B3GLCT: variants seen among roughly 807,000 people sequenced by gnomAD.
The protein encoded by B3GLCT is beta-1,3-glucosyltransferase.
Under a neutral mutation model 63.4 loss-of-function variants are expected in B3GLCT, and 65 were observed. The observed-to-expected ratio is 1.03, with a 90% CI of 0.84 to 1.26. The LOEUF (loss-of-function observed/expected upper bound fraction) is 1.26. Ranked by LOEUF, B3GLCT falls within the 50% of genes most tolerant of loss-of-function variation. B3GLCT has a pLI of 0.00. For missense variants in B3GLCT, 577 were observed against 604.8 expected, an observed-to-expected ratio of 0.95 and a Z score of 0.48; for synonymous variants, 233 against 219.2, an observed-to-expected ratio of 1.06 and a Z score of -0.55.
intron 6 of B3GLCT, 61 bp downstream of exon 6, chr13:31,248,027 T>A (rs1871271982): frequency 2.1e-6 from 2 of 943,892 alleles, no homozygotes; most frequent in African/African-American, 3.3e-5. Context: ...GGAGATTTAA[T>A]TTTGATTAAG....
chr13:31,215,204 G>A, intron 2 of B3GLCT, 104 bp downstream of exon 2: 1 of 1,186,024 alleles, frequency 8.4e-7, no homozygotes, highest in South Asian at 1.3e-5. Flanking sequence ...TATTTTTATT[G>A]TTACATAATT....
At chr13:31,252,960 A>C (rs573173339) in intron 6 of B3GLCT, among the ~76,000 whole-genome samples, 136 of 152,202 alleles carry the variant, frequency 8.9e-4, no homozygotes, top group Non-Finnish European at 1.5e-3. Context: ...ACATAATTGG[A>C]AGTAAAACAC....
At chr13:31,260,365 C>T (rs183742002) in intron 6 of B3GLCT, 1 of 152,524 alleles carries the variant, frequency 6.6e-6, no homozygotes, top group East Asian at 1.9e-4. Flanking sequence ...TAATAGATTT[C>T]CCTCTCTTTT....
At chr13:31,255,109 C>T (rs992181424) in intron 6 of B3GLCT, among the ~76,000 whole-genome samples, 9 of 151,588 alleles carry the variant, frequency 5.9e-5, no homozygotes, top group Non-Finnish European at 1.2e-4. Context: ...TCAGCAAAGT[C>T]TCGGGATACA....
rs73174632 is a variant in B3GLCT at position 31,309,654 on chromosome 13, T to C, written c.1065-7912T>C. Reference sequence around the variant, plus strand: ...ATGAAGAGATGTGTAGGGCAAGGTATGGGGGAAGGAGTGTGGAGCTTCCTT... The same window carrying C: ...ATGAAGAGATGTGTAGGGCAAGGTACGGGGGAAGGAGTGTGGAGCTTCCTT... On this transcript the variant is annotated intron_variant, in intron 12 of 14. Transcript: ENST00000343307. Among the ~76,000 whole-genome samples the C allele has an allele frequency of 5.8e-3, 881 of 152,260 alleles. 7 individuals are homozygous for C. Among genetic ancestry groups the C allele is most frequent in the Non-Finnish European group, 8.0e-3 (543 of 67,998 alleles).
intron 6 of B3GLCT, among the ~76,000 whole-genome samples, chr13:31,254,478 ACT>A (rs1871617791): frequency 6.6e-6 from 1 of 152,024 alleles, no homozygotes; most frequent in Non-Finnish European, 1.5e-5. Context: ...CATGCTAAAA[ACT>A]CTCAATAAAC....
intron 12 of B3GLCT, chr13:31,311,226 A>G (rs1457632741): frequency 6.6e-6 from 1 of 152,240 alleles, no homozygotes; most frequent in Admixed American, 6.5e-5. Flanking sequence ...ACCAATATAT[A>G]TGTATTAGTC....
At chr13:31,246,728 A>C (rs1056372825) in intron 4 of B3GLCT, among the ~76,000 whole-genome samples, 4 of 152,084 alleles carry the variant, frequency 2.6e-5, no homozygotes, top group African/African-American at 9.7e-5. Flanking sequence ...GTTGGCTCGG[A>C]GTCACGGAAG....
intron 12 of B3GLCT, chr13:31,311,293 T>A (rs1378373760): frequency 6.6e-6 from 1 of 152,264 alleles, no homozygotes; most frequent in Non-Finnish European, 1.5e-5. Context: ...ACCAGGACAG[T>A]GGACAGCTCA....
In B3GLCT at chr13:31,276,563, C is replaced by A. The variant is rs1872794433; in HGVS notation, c.781-139C>A. 3 of 682,578 alleles carry A rather than the reference C, an allele frequency of 4.4e-6. No homozygotes were observed. In the Admixed American group the frequency reaches 6.5e-5, roughly 15 times the overall value. 42.3% of individuals were successfully genotyped at this position (682,578 alleles called of 1,614,324 possible). On this transcript the variant is annotated intron_variant, in intron 9 of 14. Coordinates refer to ENST00000343307, the MANE Select transcript of B3GLCT (RefSeq NM_194318.4). ...CAGCTGACCTATGTTTCCATTTCTC[C>A]CCTAAAACTTTATGCCGGAAATATG... is the stretch of plus-strand genomic sequence containing the variant.
rs1362536212 is a variant in B3GLCT, at chr13:31,331,721, C to T, written c.*2053C>T. On this transcript the variant is annotated 3_prime_UTR_variant, in exon 15 of 15. Transcript: ENST00000343307. ...AATGTTTATATAAAGTTTATAAAGC[C>T]ATTGTGTTTTGTTATATAACAAATC... 6.6e-6 allele frequency: 1 copy of T among 152,154 alleles called. No individual in the cohort carries two copies. Among genetic ancestry groups the T allele is most frequent in the Non-Finnish European group, 1.5e-5 (1 of 68,024 alleles). 9.4% of individuals were successfully genotyped at this position (152,154 alleles called of 1,614,324 possible). A position where few individuals can be genotyped will look rare whatever the true frequency, so the allele number is the denominator to read the frequency against.
At chr13:31,242,969 A>T (rs2137798227) in intron 4 of B3GLCT, among the ~76,000 whole-genome samples, 1 of 152,344 alleles carries the variant, frequency 6.6e-6, no homozygotes, top group East Asian at 1.9e-4. Flanking sequence ...AGGCTAGTAA[A>T]TCTGTCTGAT....
chr13:31,209,483 C>G (rs1452679839), intron 1 of B3GLCT, among the ~76,000 whole-genome samples: 2 of 152,102 alleles, frequency 1.3e-5, no homozygotes, highest in East Asian at 3.9e-4. Flanking sequence ...AAAGTGAAGC[C>G]CCAAAGGCTT....
chr13:31,301,547 C>T (rs998878516), intron 12 of B3GLCT, among the ~76,000 whole-genome samples: 3 of 152,158 alleles, frequency 2.0e-5, no homozygotes, highest in Admixed American at 6.5e-5. Flanking sequence ...TCCTAACAAC[C>T]GTTACACTTT....
intron 9 of B3GLCT, among the ~76,000 whole-genome samples, chr13:31,275,354 C>T (rs1428270073): frequency 6.6e-6 from 1 of 152,194 alleles, no homozygotes; most frequent in East Asian, 1.9e-4. Flanking sequence ...CAAGGGCTCC[C>T]CTTTACTCCA....
chr13:31,248,760 G>T (rs1871302118), intron 6 of B3GLCT, among the ~76,000 whole-genome samples: 1 of 152,200 alleles, frequency 6.6e-6, no homozygotes, highest in African/African-American at 2.4e-5. Flanking sequence ...ACTGGATTTT[G>T]TTTGCCTTGA....
Position 31,261,080 on chromosome 13 carries a change from CAAGT to C in B3GLCT, c.596+2_596+5del. ...GGGCCTTAAGTATTCCACTTGTAAA[CAAGT>C]AAGAATTTATTGGAATTTTTTCGGG... On this transcript the variant is annotated splice_donor_variant and coding_sequence_variant, in exon 7 of 15. Coordinates refer to ENST00000343307, the MANE Select transcript of B3GLCT (RefSeq NM_194318.4). LOFTEE classifies it high-confidence loss of function. The C allele has an allele frequency of 1.3e-6, 2 of 1,555,424 alleles. No individual in the cohort carries two copies. Among genetic ancestry groups the C allele is most frequent in the Non-Finnish European group, 1.7e-6 (2 of 1,145,540 alleles).
intron 12 of B3GLCT, among the ~76,000 whole-genome samples, chr13:31,298,586 C>A (rs1442774458): frequency 1.3e-5 from 2 of 152,194 alleles, no homozygotes; most frequent in Non-Finnish European, 2.9e-5. Context: ...CAATTTATAA[C>A]CCATTATTCA....
chr13:31,261,724 G>A (rs1470578203), intron 7 of B3GLCT, among the ~76,000 whole-genome samples: 2 of 152,120 alleles, frequency 1.3e-5, no homozygotes, highest in Non-Finnish European at 2.9e-5. Flanking sequence ...AAGCACTTGT[G>A]GCTTTTATAT....
Sources: allele counts gnomAD v4.1 joint callset (sites outside exome capture counted in the v4.1 genomes callset), GRCh38; gene constraint gnomAD v4.1.1; transcripts MANE v1.5; gene names NCBI Gene and HGNC (gene_info 2026-07-23, HGNC 2026-07-21).